The following CSGALNACT1 variants were observed in gnomAD, a reference collection of about 807,000 sequenced individuals.
CSGALNACT1 encodes beta4GalNAcT-1.
CSGALNACT1 carries 52 observed loss-of-function variants against 51.0 expected under a neutral mutation model. The ratio of observed to expected loss-of-function variants is 1.02; its 90% CI spans 0.82 to 1.29. The LOEUF is 1.29. CSGALNACT1 is among the 50% of genes most tolerant of loss of function. CSGALNACT1 has a pLI of 0.00. For missense variants in CSGALNACT1, 935 were observed against 679.2 expected, an observed-to-expected ratio of 1.38 and a Z score of -4.19; for synonymous variants, 341 against 254.4, an observed-to-expected ratio of 1.34 and a Z score of -3.24.
At chr8:19,633,591 G>T (rs190404815) in intron 1 of CSGALNACT1, among the ~76,000 whole-genome samples, 2 of 152,210 alleles carry the variant, frequency 1.3e-5, no homozygotes, top group Non-Finnish European at 2.9e-5. Context: ...CAGCTGCAAA[G>T]CAAGGAATCC....
exon 4 of CSGALNACT1, chr8:19,505,295 C>G (rs752368454): frequency 8.7e-6 from 14 of 1,614,164 alleles, no homozygotes; most frequent in Non-Finnish European, 1.2e-5. Context: ...TGGCTTCCAC[C>G]AACTCATCCC....
intron 3 of CSGALNACT1, among the ~76,000 whole-genome samples, chr8:19,533,842 T>C (rs2083247385): frequency 6.6e-6 from 1 of 152,114 alleles, no homozygotes; most frequent in African/African-American, 2.4e-5. Context: ...TGGGAATACA[T>C]GGAAAACAAA....
rs111259046 is a variant in CSGALNACT1 at position 19,512,242 on chromosome 8, G to T, written c.-296-6112C>A. Among the ~76,000 whole-genome samples the T allele has an allele frequency of 7.0e-4, 107 of 152,274 alleles. No homozygotes were observed. In the Middle Eastern group the frequency reaches 0.017, roughly 24 times the overall value. ...GAGGAACTGAAGCCTCCAGCTGACC[G>T]ACAGCTAGCAAGGAACAGAGGCAGG... On this transcript the variant is annotated intron_variant, in intron 3 of 9. Transcript: ENST00000454498.
chr8:19,645,279 G>T (rs142593499), intron 1 of CSGALNACT1, among the ~76,000 whole-genome samples: 195 of 152,326 alleles, frequency 1.3e-3, no homozygotes, highest in Admixed American at 5.0e-3. Flanking sequence ...TGATGCAACG[G>T]TATTAACATA....
intron 1 of CSGALNACT1, among the ~76,000 whole-genome samples, chr8:19,725,807 C>T (rs771809592): frequency 6.6e-6 from 1 of 152,040 alleles, no homozygotes; most frequent in Non-Finnish European, 1.5e-5. Flanking sequence ...TTCCCATATA[C>T]CCTCTACCCC....
chr8:19,720,312 C>A (rs1232763903), intron 1 of CSGALNACT1, among the ~76,000 whole-genome samples: 1 of 152,170 alleles, frequency 6.6e-6, no homozygotes, highest in Non-Finnish European at 1.5e-5. Flanking sequence ...GATCCCAGTC[C>A]ACACATGGTT....
chr8:19,650,455 A>G (rs1336395385), intron 1 of CSGALNACT1, among the ~76,000 whole-genome samples: 1 of 152,252 alleles, frequency 6.6e-6, no homozygotes, highest in African/African-American at 2.4e-5. Context: ...AGTAATTAGT[A>G]CATTATTTTA....
At chr8:19,667,010 A>G (rs1409681534) in intron 1 of CSGALNACT1, among the ~76,000 whole-genome samples, 7 of 34,750 alleles carry the variant, frequency 2.0e-4, no homozygotes, top group African/African-American at 7.0e-4. Context: ...AAAGAAAGAA[A>G]GAAAGAAAGG....
chr8:19,609,140 A>G (rs1297887844), intron 1 of CSGALNACT1, among the ~76,000 whole-genome samples: 2 of 151,818 alleles, frequency 1.3e-5, no homozygotes, highest in African/African-American at 4.8e-5. Context: ...AATTAAATTT[A>G]TTCAATCAAT....
At chr8:19,498,031 C>A (rs1448532101) in intron 4 of CSGALNACT1, among the ~76,000 whole-genome samples, 4 of 152,126 alleles carry the variant, frequency 2.6e-5, no homozygotes, top group Non-Finnish European at 5.9e-5. Context: ...TGTATAAAGC[C>A]AAACTGTGCC....
chr8:19,571,784 A>C (rs914043813), intron 3 of CSGALNACT1, among the ~76,000 whole-genome samples: 1 of 152,242 alleles, frequency 6.6e-6, no homozygotes, highest in Admixed American at 6.5e-5. Context: ...TCCCTCAGCA[A>C]AATGGGAACA....
At chr8:19,495,578 G>C (rs1177265139) in intron 4 of CSGALNACT1, among the ~76,000 whole-genome samples, 1 of 152,196 alleles carries the variant, frequency 6.6e-6, no homozygotes, top group Non-Finnish European at 1.5e-5. Flanking sequence ...GGCTGGAGAG[G>C]AGGGAGCTCT....
chr8:19,565,806 G>C lies in CSGALNACT1; in HGVS notation c.-297+25354C>G, dbSNP rs2041796801. ...CACATCTGTAATCCCAGCTACTTGG[G>C]AGGCTGAGGCAGCAGAATCGCTTGA... On this transcript the variant is annotated intron_variant, in intron 3 of 9. Coordinates refer to ENST00000454498, the Ensembl canonical transcript of CSGALNACT1. Among the ~76,000 whole-genome samples the C allele has an allele frequency of 3.3e-5, 5 of 152,318 alleles. No individual in the cohort carries two copies. The South Asian group carries it at 1.0e-3, about 32-fold the overall frequency.
intron 6 of CSGALNACT1, among the ~76,000 whole-genome samples, chr8:19,439,433 T>C (rs965748867): frequency 1.3e-5 from 2 of 152,218 alleles, no homozygotes; most frequent in Non-Finnish European, 2.9e-5. Context: ...ACTCTTAGGC[T>C]CTGAAGCTGT....
chr8:19,630,379 A>C (rs2055080855), intron 1 of CSGALNACT1, among the ~76,000 whole-genome samples: 2 of 152,216 alleles, frequency 1.3e-5, no homozygotes, highest in South Asian at 4.1e-4. Context: ...GTGAGAGAAA[A>C]AGTACAGAGT....
intron 1 of CSGALNACT1, among the ~76,000 whole-genome samples, chr8:19,629,376 T>A (rs1443453265): frequency 1.3e-5 from 2 of 152,190 alleles, no homozygotes; most frequent in Non-Finnish European, 2.9e-5. Flanking sequence ...CCAGGACCCA[T>A]ATAAGACATT....
chr8:19,638,878 G>C (rs1589201885), intron 1 of CSGALNACT1, among the ~76,000 whole-genome samples: 1 of 151,950 alleles, frequency 6.6e-6, no homozygotes, highest in Non-Finnish European at 1.5e-5. Flanking sequence ...CATACACCGA[G>C]ACTTACTTTG....
At chr8:19,446,496 A>AATTCATTCATTC (rs375986004) in intron 5 of CSGALNACT1, among the ~76,000 whole-genome samples, 63 of 151,998 alleles carry the variant, frequency 4.1e-4, no homozygotes, top group African/African-American at 1.5e-3. Flanking sequence ...GAAGCCTGAA[A>AATTCATTCATTC]ATTCATTCAT....
At chr8:19,746,558 C>G (rs1589803770) in intron 1 of CSGALNACT1, among the ~76,000 whole-genome samples, 1 of 152,184 alleles carries the variant, frequency 6.6e-6, no homozygotes, top group African/African-American at 2.4e-5. Flanking sequence ...TCAGATTAGA[C>G]AGATAGTACA....
Sources: allele counts gnomAD v4.1 joint callset (sites outside exome capture counted in the v4.1 genomes callset), GRCh38; gene constraint gnomAD v4.1.1; transcripts MANE v1.5; gene names NCBI Gene and HGNC (gene_info 2026-07-23, HGNC 2026-07-21).